The following FOXP2 variants were observed in gnomAD, a reference collection of about 807,000 sequenced individuals.
FOXP2 encodes the protein forkhead box P2, also known as forkhead box protein P2.
Under a neutral mutation model 115.8 loss-of-function variants are expected in FOXP2, and 12 were observed. The observed-to-expected ratio is 0.10, with a 90% CI of 0.07 to 0.17. The LOEUF (loss-of-function observed/expected upper bound fraction) is 0.17, where lower values mean the gene tolerates loss of function less well. Among genes scored for constraint, FOXP2 ranks in the 10% least tolerant of loss-of-function variants. The pLI, the probability that FOXP2 is intolerant of heterozygous loss-of-function variation, is 1.00. For missense variants in FOXP2, 629 were observed against 843.5 expected, an observed-to-expected ratio of 0.75 and a Z score of 3.15; for synonymous variants, 328 against 297.7, an observed-to-expected ratio of 1.10 and a Z score of -1.05.
chr7:114,596,151 A>G (rs1380157568), intron 3 of FOXP2, among the ~76,000 whole-genome samples: 1 of 152,024 alleles, frequency 6.6e-6, no homozygotes, highest in Non-Finnish European at 1.5e-5. Flanking sequence ...TCACTAAAAT[A>G]TCACATTTTT....
At chr7:114,596,341 T>C (rs900409784) in intron 3 of FOXP2, among the ~76,000 whole-genome samples, 14 of 152,006 alleles carry the variant, frequency 9.2e-5, no homozygotes, top group Admixed American at 6.6e-4. Context: ...AGTGCCCAGA[T>C]TGCAAATTGA....
intron 2 of FOXP2, among the ~76,000 whole-genome samples, chr7:114,389,860 C>T (rs1488584106): frequency 6.6e-6 from 1 of 151,772 alleles, no homozygotes; most frequent in African/African-American, 2.4e-5. Context: ...CCTGTCTCTA[C>T]TAAAAATACA....
intron 2 of FOXP2, among the ~76,000 whole-genome samples, chr7:114,484,525 G>A (rs993988458): frequency 2.6e-5 from 4 of 151,766 alleles, no homozygotes; most frequent in East Asian, 3.9e-4. Context: ...TAGTGTATTC[G>A]GTATGTATGA....
At chr7:114,479,285 C>T (rs1291589373) in intron 2 of FOXP2, among the ~76,000 whole-genome samples, 1 of 151,460 alleles carries the variant, frequency 6.6e-6, no homozygotes, top group East Asian at 1.9e-4. Flanking sequence ...GAGTCCTGAA[C>T]ATCACAGACA....
chr7:114,302,231 G>A (rs551929516), intron 2 of FOXP2, among the ~76,000 whole-genome samples: 1 of 152,226 alleles, frequency 6.6e-6, no homozygotes, highest in East Asian at 1.9e-4. Flanking sequence ...GGTAGAGCAT[G>A]CACTCACACA....
chr7:114,319,601 G>C (rs1017909794), intron 2 of FOXP2, among the ~76,000 whole-genome samples: 4 of 152,080 alleles, frequency 2.6e-5, no homozygotes, highest in Non-Finnish European at 5.9e-5. Flanking sequence ...GCTCTATTGA[G>C]ACCCATTCAC....
At chr7:114,477,334 T>A (rs891969751) in intron 2 of FOXP2, among the ~76,000 whole-genome samples, 1 of 151,892 alleles carries the variant, frequency 6.6e-6, no homozygotes, top group East Asian at 1.9e-4. Flanking sequence ...GCCATAAAAA[T>A]GAATGAAATC....
chr7:114,205,803 A>G (rs1371144774), intron 1 of FOXP2, among the ~76,000 whole-genome samples: 1 of 152,174 alleles, frequency 6.6e-6, no homozygotes, highest in African/African-American at 2.4e-5. Context: ...TCAGACCTTT[A>G]TACTTCTGCA....
intron 2 of FOXP2, chr7:114,288,164 T>G: frequency 9.1e-6 from 4 of 441,132 alleles, no homozygotes; most frequent in Non-Finnish European, 1.8e-5. Flanking sequence ...ATTTTTATTT[T>G]TCTAATGCTG....
At chr7:114,491,203 T>A (rs891643352) in intron 2 of FOXP2, among the ~76,000 whole-genome samples, 1 of 152,202 alleles carries the variant, frequency 6.6e-6, no homozygotes, top group Non-Finnish European at 1.5e-5. Flanking sequence ...TCATTCTAAC[T>A]GGTGTGAGAT....
At chr7:114,282,889 G>A (rs1796375076) in intron 1 of FOXP2, among the ~76,000 whole-genome samples, 1 of 152,108 alleles carries the variant, frequency 6.6e-6, no homozygotes, top group Non-Finnish European at 1.5e-5. Flanking sequence ...ATACAAAAAA[G>A]AAAATGTCTG....
At chr7:114,235,466 G>A (rs1294695288) in intron 1 of FOXP2, among the ~76,000 whole-genome samples, 1 of 151,962 alleles carries the variant, frequency 6.6e-6, no homozygotes, top group African/African-American at 2.4e-5. Flanking sequence ...ACTGGACAAA[G>A]TATTTTAGAG....
intron 2 of FOXP2, among the ~76,000 whole-genome samples, chr7:114,399,883 G>A (rs550000413): frequency 6.9e-6 from 1 of 144,252 alleles, no homozygotes; most frequent in African/African-American, 2.6e-5. Flanking sequence ...TTGAGACAGA[G>A]TCTCACTCTG....
intron 3 of FOXP2, among the ~76,000 whole-genome samples, chr7:114,610,051 C>T (rs997266012): frequency 6.6e-6 from 1 of 152,198 alleles, no homozygotes; most frequent in Non-Finnish European, 1.5e-5. Context: ...AGTGATCAGT[C>T]ACCAAAAACT....
chr7:114,128,474 C>G (rs1019598165), intron 1 of FOXP2, among the ~76,000 whole-genome samples: 1 of 146,030 alleles, frequency 6.8e-6, no homozygotes, highest in African/African-American at 2.5e-5. Context: ...GAAACAGATT[C>G]TTGGAGTTGG....
chr7:114,653,786 A>C (rs1403042464), intron 9 of FOXP2, 140 bp from the exon 10 acceptor site: 1 of 907,810 alleles, frequency 1.1e-6, no homozygotes, highest in African/African-American at 1.6e-5. Flanking sequence ...ATTTCCTCCC[A>C]GATAAGTTCC....
chr7:114,514,404 A>G (rs933608608), intron 2 of FOXP2, among the ~76,000 whole-genome samples: 16 of 151,944 alleles, frequency 1.1e-4, no homozygotes, highest in African/African-American at 3.9e-4. Context: ...TTTGACCAAC[A>G]TCTCCCCAAT....
chr7:114,125,030 G>T (rs945683442), intron 1 of FOXP2, among the ~76,000 whole-genome samples: 2 of 152,078 alleles, frequency 1.3e-5, no homozygotes, highest in Non-Finnish European at 2.9e-5. Flanking sequence ...TCAAACCCAG[G>T]TCTAATCCCT....
chr7:114,124,750 C>T (rs548664510), intron 1 of FOXP2, among the ~76,000 whole-genome samples: 1 of 152,008 alleles, frequency 6.6e-6, no homozygotes, highest in African/African-American at 2.4e-5. Context: ...ACCTCTGCCA[C>T]CACCTCTGTT....
Sources: allele counts gnomAD v4.1 joint callset (sites outside exome capture counted in the v4.1 genomes callset), GRCh38; gene constraint gnomAD v4.1.1; transcripts MANE v1.5; gene names NCBI Gene and HGNC (gene_info 2026-07-23, HGNC 2026-07-21).